ATXN10: variants seen among roughly 807,000 people sequenced by gnomAD.
The protein encoded by ATXN10 is ataxin-10.
ATXN10 carries 28 observed loss-of-function variants against 52.9 expected under a neutral mutation model. The observed-to-expected ratio is 0.53, with a 90% CI of 0.39 to 0.73. The LOEUF is 0.73. Among genes scored for constraint, ATXN10 ranks in the 30% least tolerant of loss-of-function variants. The probability of loss-of-function intolerance (pLI) is 0.00; values close to 1 mark genes in which losing one functional copy is unlikely to be tolerated. For synonymous variants in ATXN10, 226 were observed against 221.5 expected (o/e 1.02, Z -0.18); for missense variants, 565 against 577.0 (o/e 0.98, Z 0.21).
At chr22:45,792,097 C>T (rs1927533569) in intron 9 of ATXN10, among the ~76,000 whole-genome samples, 1 of 152,080 alleles carries the variant, frequency 6.6e-6, no homozygotes, top group South Asian at 2.1e-4. Flanking sequence ...TAAGCTCAAT[C>T]TTAGCACTAT....
In ATXN10 at chr22:45,818,367, C is replaced by T. The variant is rs1459105835; in HGVS notation, c.1237+11345C>T. ...TGTGTTCCTGCAGGCCAGTGCCTTG[C>T]GTTTGTCCTGCCAAGCCTGGTTGCT... On this transcript the variant is annotated intron_variant, in intron 10 of 11. Transcript: ENST00000252934. The surrounding 1 kb of genome is among the most constrained non-coding windows in gnomAD (Gnocchi z 4.6). 6.6e-6 allele frequency among the ~76,000 whole-genome samples: 1 copy of T among 152,178 alleles called. No individual in the cohort carries two copies. The highest frequency in any genetic ancestry group is 2.4e-5 in the African/African-American group (1 of 41,442).
chr22:45,762,719 C>G lies in ATXN10; in HGVS notation c.1173+22181C>G, dbSNP rs1266275223. On this transcript the variant is annotated intron_variant, in intron 9 of 11. Coordinates refer to ENST00000252934, the MANE Select transcript of ATXN10 (RefSeq NM_013236.4). The surrounding 1 kb of genome is among the most constrained non-coding windows in gnomAD (Gnocchi z 4.3). ...GGCCACCTCACTCTTACTCCTGTCT[C>G]CAGGCTGGTGACCTCACATGGCCCC... is the stretch of plus-strand genomic sequence containing the variant. Among the ~76,000 whole-genome samples the G allele has an allele frequency of 1.3e-5, 2 of 152,238 alleles. No homozygotes were observed. Among genetic ancestry groups the G allele is most frequent in the East Asian group, 1.9e-4 (1 of 5,200 alleles).
At chr22:45,761,462 T>G (rs1452779826) in intron 9 of ATXN10, among the ~76,000 whole-genome samples, 1 of 152,250 alleles carries the variant, frequency 6.6e-6, no homozygotes, top group Non-Finnish European at 1.5e-5. Flanking sequence ...TTTTCACAGT[T>G]AAACTTTTCT....
At chr22:45,817,724 A>G (rs774387280) in intron 10 of ATXN10, among the ~76,000 whole-genome samples, 3 of 152,100 alleles carry the variant, frequency 2.0e-5, no homozygotes, top group African/African-American at 4.8e-5. Context: ...AAGTGCACAC[A>G]CAGAAGGTGA....
chr22:45,812,064 G>A (rs1442764636), intron 10 of ATXN10, among the ~76,000 whole-genome samples: 1 of 152,102 alleles, frequency 6.6e-6, no homozygotes, highest in Non-Finnish European at 1.5e-5. Flanking sequence ...CAGTTCCTGC[G>A]TGAAGGCAGT....
At chr22:45,672,274 C>T (rs1569017436) in intron 1 of ATXN10, 95 bp downstream of exon 1, 2 of 1,212,282 alleles carry the variant, frequency 1.6e-6, no homozygotes, top group Non-Finnish European at 2.1e-6. Flanking sequence ...GCCCCCGCCT[C>T]GCTGGAGACG....
Position 45,844,463 on chromosome 22 carries a change from T to C in ATXN10, c.*792T>C, listed in dbSNP as rs968007165. ...ATTAAAGGTACATTTCTATCTTCTT[T>C]GATTTAAAAAGCACCAGTCTCATAA... On this transcript the variant is annotated 3_prime_UTR_variant, in exon 12 of 12. Transcript: ENST00000252934. 6.6e-6 allele frequency: 1 copy of C among 152,236 alleles called. No individual in the cohort carries two copies. Among genetic ancestry groups the C allele is most frequent in the African/African-American group, 2.4e-5 (1 of 41,456 alleles). 9.4% of individuals were successfully genotyped at this position (152,236 alleles called of 1,614,324 possible).
chr22:45,745,961 A>C (rs1925710823), intron 9 of ATXN10, among the ~76,000 whole-genome samples: 1 of 152,292 alleles, frequency 6.6e-6, no homozygotes, highest in Middle Eastern at 3.4e-3. Context: ...GTTCCTTTAA[A>C]TTCTGAGTTC....
chr22:45,748,042 T>TA (rs1160705763), intron 9 of ATXN10, among the ~76,000 whole-genome samples: 2 of 151,906 alleles, frequency 1.3e-5, no homozygotes, highest in African/African-American at 4.8e-5. Flanking sequence ...CTAAAAAAAT[T>TA]AAAAAATTAG....
chr22:45,756,157 T>A (rs138197), intron 9 of ATXN10, among the ~76,000 whole-genome samples: 115,039 of 151,984 alleles, frequency 0.76, 44,035 homozygotes, highest in African/African-American at 0.88. Context: ...CTTTTTTTTT[T>A]TTTAAAGAGA....
intron 9 of ATXN10, among the ~76,000 whole-genome samples, chr22:45,746,634 G>C (rs5765600): frequency 0.51 from 77,001 of 151,932 alleles, 20,568 homozygotes; most frequent in East Asian, 0.73. Flanking sequence ...TATATTCTCA[G>C]CCTATACTAG....
chr22:45,821,002 G>A (rs552060975), intron 10 of ATXN10, among the ~76,000 whole-genome samples: 1 of 152,292 alleles, frequency 6.6e-6, no homozygotes, highest in African/African-American at 2.4e-5. Flanking sequence ...TTACAAGAGA[G>A]TCTTGCCTTC....
At chr22:45,791,367 T>G (rs1927503149) in intron 9 of ATXN10, among the ~76,000 whole-genome samples, 1 of 152,200 alleles carries the variant, frequency 6.6e-6, no homozygotes, top group Non-Finnish European at 1.5e-5. Flanking sequence ...GGAGACAGTA[T>G]CCTTGTGTTT....
chr22:45,797,552 A>C (rs1927786796), intron 9 of ATXN10, among the ~76,000 whole-genome samples: 1 of 152,256 alleles, frequency 6.6e-6, no homozygotes, highest in Admixed American at 6.5e-5. Context: ...GATGGGGATA[A>C]AGTAGTGTTT....
rs555184610 is a variant in ATXN10 at position 45,840,922 on chromosome 22, C to CATAATCACTG, written c.1238-2067_1238-2058dup. On this transcript the variant is annotated intron_variant, in intron 10 of 11. Transcript: ENST00000252934. This position sits in a 1 kb window ranked among gnomAD's most constrained non-coding sequence, Gnocchi z 5.8. ...TCTTGCTCCTTGAGTCAGTTCTTTT[C>CATAATCACTG]ATAATCACTGACTCCTCCTTTTCCT... Among the ~76,000 whole-genome samples, 69 of 152,200 alleles carry CATAATCACTG rather than the reference C, an allele frequency of 4.5e-4. No individual in the cohort carries two copies. The highest frequency in any genetic ancestry group is 1.1e-3 in the Admixed American group (17 of 15,278).
At chr22:45,697,912 G>A (rs1423357502) in intron 3 of ATXN10, among the ~76,000 whole-genome samples, 3 of 152,234 alleles carry the variant, frequency 2.0e-5, no homozygotes, top group Admixed American at 2.0e-4. Flanking sequence ...TTACAGGCGT[G>A]AGCCACCGCT....
intron 10 of ATXN10, among the ~76,000 whole-genome samples, chr22:45,830,839 T>C (rs942867257): frequency 3.3e-5 from 5 of 152,186 alleles, no homozygotes; most frequent in Non-Finnish European, 5.9e-5. Context: ...ACTATATATA[T>C]GATTTAGCAA....
Position 45,733,545 on chromosome 22 carries a change from A to G in ATXN10, c.894+3955A>G, listed in dbSNP as rs978834039. Reference sequence around the variant, plus strand: ...AGGTCAGGAGTTTGAGACCAGCCTGACTAACATGGTGAGACCCCCGTCTCT... The same window carrying G: ...AGGTCAGGAGTTTGAGACCAGCCTGGCTAACATGGTGAGACCCCCGTCTCT... On this transcript the variant is annotated intron_variant, in intron 7 of 11. Coordinates refer to ENST00000252934, the MANE Select transcript of ATXN10 (RefSeq NM_013236.4). The surrounding 1 kb of genome is among the most constrained non-coding windows in gnomAD (Gnocchi z 4.4). 1.3e-5 allele frequency among the ~76,000 whole-genome samples: 2 copies of G among 151,856 alleles called. No individual in the cohort carries two copies. Among genetic ancestry groups the G allele is most frequent in the African/African-American group, 4.8e-5 (2 of 41,326 alleles).
rs1196475523 is a variant in ATXN10, at chr22:45,816,103, A to T, written c.1237+9081A>T. ...TCTCTCCTAAAAATACAAAAAAAAA[A>T]TTCGCTAGGCGTGGTGGCACGCACC... On this transcript the variant is annotated intron_variant, in intron 10 of 11. Coordinates refer to ENST00000252934, the MANE Select transcript of ATXN10 (RefSeq NM_013236.4). The surrounding 1 kb of genome is among the most constrained non-coding windows in gnomAD (Gnocchi z 5.8). Among the ~76,000 whole-genome samples, 2 of 151,946 alleles carry T rather than the reference A, an allele frequency of 1.3e-5. No homozygotes were observed. Among genetic ancestry groups the T allele is most frequent in the Non-Finnish European group, 2.9e-5 (2 of 67,998 alleles).
Sources: allele counts gnomAD v4.1 joint callset (sites outside exome capture counted in the v4.1 genomes callset), GRCh38; gene constraint gnomAD v4.1.1; non-coding constraint Gnocchi (gnomAD v3.1); transcripts MANE v1.5; gene names NCBI Gene and HGNC (gene_info 2026-07-23, HGNC 2026-07-21).